Variants in AFG1L observed in about 807,000 individuals in gnomAD.
The protein encoded by AFG1L is AFG1 like ATPase.
Under a neutral mutation model 62.2 loss-of-function variants are expected in AFG1L, and 53 were observed. That is an observed-to-expected ratio of 0.85 (90% confidence interval 0.68 to 1.07). AFG1L has a LOEUF of 1.07. Among genes scored for constraint, AFG1L ranks in the 50% least tolerant of loss-of-function variants. The pLI, the probability that AFG1L is intolerant of heterozygous loss-of-function variation, is 0.00. For synonymous variants in AFG1L, 228 were observed against 210.3 expected (o/e 1.08, Z -0.73); for missense variants, 555 against 590.5 (o/e 0.94, Z 0.62).
chr6:108,319,118 G>A (rs926763056), intron 1 of AFG1L, among the ~76,000 whole-genome samples: 6 of 152,136 alleles, frequency 3.9e-5, no homozygotes, highest in African/African-American at 1.2e-4. Flanking sequence ...AAGATGTTAG[G>A]CTAGTGAAAA....
In AFG1L at chr6:108,477,071, G is replaced by A. The variant is rs138023229; in HGVS notation, c.962-121G>A. The A allele has an allele frequency of 1.7e-5, 17 of 1,018,718 alleles. 1 individual carries two copies. In the East Asian group the frequency reaches 4.2e-4, roughly 25 times the overall value. The allele number at this position is 1,018,718 out of a possible 1,614,324, so 63.1% of individuals were successfully genotyped here. The stretch of plus-strand genomic sequence containing the variant: ...GTGGCAGTCATTGTATCAGCATTTT[G>A]TCTAATTTATGTGTTGAATCATGTG... On this transcript the variant is annotated intron_variant, in intron 9 of 12. Transcript: ENST00000368977.
intron 1 of AFG1L, among the ~76,000 whole-genome samples, chr6:108,314,979 C>T (rs1489388242): frequency 6.6e-6 from 1 of 152,008 alleles, no homozygotes; most frequent in Non-Finnish European, 1.5e-5. Flanking sequence ...GATGGGGTTA[C>T]AGGCATGCAC....
At chr6:108,476,154 C>T (rs1391610349) in intron 8 of AFG1L, among the ~76,000 whole-genome samples, 2 of 152,016 alleles carry the variant, frequency 1.3e-5, no homozygotes, top group Non-Finnish European at 2.9e-5. Context: ...ATAGCATCAT[C>T]TCATTTATAT....
chr6:108,449,158 A>G (rs1562168781), intron 8 of AFG1L, among the ~76,000 whole-genome samples: 2 of 86,580 alleles, frequency 2.3e-5, no homozygotes, highest in Non-Finnish European at 2.1e-5. Context: ...AAAAAAAAAA[A>G]GTATATATAT....
At chr6:108,325,332 G>A (rs762156125) in intron 2 of AFG1L, among the ~76,000 whole-genome samples, 7 of 151,516 alleles carry the variant, frequency 4.6e-5, no homozygotes, top group South Asian at 2.1e-4. Context: ...GGAACCCCTC[G>A]TATTTGTTAC....
chr6:108,409,740 T>A (rs751401223), intron 7 of AFG1L, among the ~76,000 whole-genome samples: 9 of 152,076 alleles, frequency 5.9e-5, no homozygotes, highest in Non-Finnish European at 1.2e-4. Flanking sequence ...GAATCAACAC[T>A]GCTGAAAATA....
chr6:108,388,204 C>G (rs1462461015), intron 6 of AFG1L: 1 of 152,150 alleles, frequency 6.6e-6, no homozygotes, highest in Admixed American at 6.5e-5. Flanking sequence ...AAAGGATTCC[C>G]AGAAATGTCT....
chr6:108,414,959 T>G (rs1162231362), intron 7 of AFG1L, among the ~76,000 whole-genome samples: 2 of 152,164 alleles, frequency 1.3e-5, no homozygotes, highest in Non-Finnish European at 2.9e-5. Flanking sequence ...GGTATTCAAT[T>G]AGGAAAAGAG....
At chr6:108,401,884 G>C (rs1781633625) in intron 6 of AFG1L, 112 bp from the exon 7 acceptor site, 1 of 535,354 alleles carries the variant, frequency 1.9e-6, no homozygotes, top group African/African-American at 2.1e-5. Context: ...TTTTCTTTTT[G>C]CTCCTTTATC....
At chr6:108,317,076 A>G (rs1777633131) in intron 1 of AFG1L, among the ~76,000 whole-genome samples, 1 of 152,250 alleles carries the variant, frequency 6.6e-6, no homozygotes, top group Non-Finnish European at 1.5e-5. Context: ...TATTTATTAT[A>G]TAACAATTCT....
At chr6:108,420,347 A>T (rs899694688) in intron 7 of AFG1L, among the ~76,000 whole-genome samples, 11 of 150,756 alleles carry the variant, frequency 7.3e-5, no homozygotes, top group Non-Finnish European at 1.5e-4. Context: ...TAGGAAATCT[A>T]CCCAAGATAT....
At chr6:108,389,368 T>C (rs1428018906) in intron 6 of AFG1L, among the ~76,000 whole-genome samples, 4 of 152,132 alleles carry the variant, frequency 2.6e-5, no homozygotes, top group African/African-American at 9.6e-5. Context: ...GAGCATTTAG[T>C]CCATTTACAT....
At chr6:108,463,609 T>C (rs1273470775) in intron 8 of AFG1L, among the ~76,000 whole-genome samples, 2 of 152,116 alleles carry the variant, frequency 1.3e-5, no homozygotes, top group Non-Finnish European at 2.9e-5. Flanking sequence ...GTCTGGAATT[T>C]GAGAGCTAAG....
At chr6:108,396,056 T>G (rs1311147622) in intron 6 of AFG1L, among the ~76,000 whole-genome samples, 1 of 151,702 alleles carries the variant, frequency 6.6e-6, no homozygotes, top group Non-Finnish European at 1.5e-5. Flanking sequence ...TTGTTTTTTT[T>G]TTTGTAGAGA....
intron 8 of AFG1L, among the ~76,000 whole-genome samples, chr6:108,463,775 TCAGA>T (rs1772558929): frequency 6.6e-6 from 1 of 152,174 alleles, no homozygotes; most frequent in Non-Finnish European, 1.5e-5. Flanking sequence ...AGATAAATAC[TCAGA>T]CAAAATCCAT....
intron 6 of AFG1L, among the ~76,000 whole-genome samples, chr6:108,390,778 G>C (rs943178022): frequency 6.6e-6 from 1 of 152,126 alleles, no homozygotes; most frequent in South Asian, 2.1e-4. Flanking sequence ...TGACCCTGCT[G>C]GGGGGTGCCT....
At chr6:108,400,346 T>G (rs919982340) in intron 6 of AFG1L, among the ~76,000 whole-genome samples, 1 of 151,656 alleles carries the variant, frequency 6.6e-6, no homozygotes, top group Non-Finnish European at 1.5e-5. Flanking sequence ...TAGTTTTTAT[T>G]ATGTTGAGGT....
At chr6:108,511,893 C>A (rs1191140570) in intron 11 of AFG1L, among the ~76,000 whole-genome samples, 3 of 152,180 alleles carry the variant, frequency 2.0e-5, no homozygotes, top group African/African-American at 7.2e-5. Flanking sequence ...GCTTAGATAG[C>A]CTGATATCAG....
At chr6:108,402,337 C>T (rs528283083) in intron 7 of AFG1L, among the ~76,000 whole-genome samples, 57 of 96,982 alleles carry the variant, frequency 5.9e-4, no homozygotes, top group Non-Finnish European at 9.3e-4. Context: ...GTGGCATGCA[C>T]CTGTAATCCC....
Sources: allele counts gnomAD v4.1 joint callset (sites outside exome capture counted in the v4.1 genomes callset), GRCh38; gene constraint gnomAD v4.1.1; transcripts MANE v1.5; gene names NCBI Gene and HGNC (gene_info 2026-07-23, HGNC 2026-07-21).